Variants in WWOX observed in about 807,000 individuals in gnomAD.
The protein encoded by WWOX is WW domain-containing oxidoreductase.
Under a neutral mutation model 46.2 loss-of-function variants are expected in WWOX, and 69 were observed. The ratio of observed to expected loss-of-function variants is 1.49; its 90% CI spans 1.23 to 1.82. WWOX has a LOEUF of 1.82. Ranked by LOEUF, WWOX falls within the 40% of genes most tolerant of loss-of-function variation. The probability of loss-of-function intolerance (pLI) is 0.00; values close to 1 mark genes in which losing one functional copy is unlikely to be tolerated. For missense variants in WWOX, 919 were observed against 542.6 expected, an observed-to-expected ratio of 1.69 and a Z score of -6.89; for synonymous variants, 359 against 202.6, an observed-to-expected ratio of 1.77 and a Z score of -6.56.
At chr16:79,009,221 G>C (rs909619123) in intron 8 of WWOX, among the ~76,000 whole-genome samples, 1 of 152,232 alleles carries the variant, frequency 6.6e-6, no homozygotes, top group African/African-American at 2.4e-5. Flanking sequence ...GTGAATGCCA[G>C]TTCACTTGAG....
At chr16:78,662,804 G>C (rs115141056) in intron 8 of WWOX, among the ~76,000 whole-genome samples, 1 of 152,080 alleles carries the variant, frequency 6.6e-6, no homozygotes, top group African/African-American at 2.4e-5. Flanking sequence ...TGGTTCCTGG[G>C]CTCTGGGACT....
intron 8 of WWOX, among the ~76,000 whole-genome samples, chr16:78,918,609 G>A (rs1465469080): frequency 6.6e-6 from 1 of 152,116 alleles, no homozygotes; most frequent in African/African-American, 2.4e-5. Flanking sequence ...ATTCCTGGCA[G>A]GATTTGTATT....
At chr16:78,362,336 T>C (rs1296516062) in intron 5 of WWOX, among the ~76,000 whole-genome samples, 1 of 151,976 alleles carries the variant, frequency 6.6e-6, no homozygotes, top group African/African-American at 2.4e-5. Flanking sequence ...AGGACAGGCA[T>C]TACAGGCTTA....
At chr16:78,960,566 T>C (rs1046983078) in intron 8 of WWOX, among the ~76,000 whole-genome samples, 1 of 152,330 alleles carries the variant, frequency 6.6e-6, no homozygotes, top group South Asian at 2.1e-4. Context: ...CAGGTATTTA[T>C]TGAGTTATGA....
chr16:78,441,192 G>C (rs369646702), intron 8 of WWOX, among the ~76,000 whole-genome samples: 1 of 152,126 alleles, frequency 6.6e-6, no homozygotes, highest in Non-Finnish European at 1.5e-5. Context: ...AAAGTGCTGG[G>C]ATTACAGATG....
intron 8 of WWOX, among the ~76,000 whole-genome samples, chr16:79,052,980 G>T (rs1442601391): frequency 6.6e-6 from 1 of 151,284 alleles, no homozygotes; most frequent in East Asian, 2.0e-4. Context: ...GTTGGGATGG[G>T]GGGGTGGGTG....
At chr16:78,786,118 C>T (rs933411739) in intron 8 of WWOX, among the ~76,000 whole-genome samples, 13 of 152,270 alleles carry the variant, frequency 8.5e-5, no homozygotes, top group African/African-American at 2.2e-4. Context: ...CCGTGTTGGC[C>T]AGGCTGGTTT....
intron 8 of WWOX, chr16:78,873,155 A>G (rs372114262): frequency 1.4e-3 from 208 of 152,294 alleles, no homozygotes; most frequent in African/African-American, 4.8e-3. Context: ...TCTTGGTTCC[A>G]TGCGTATTCA....
chr16:78,416,859 T>A (rs1390624290), intron 6 of WWOX, among the ~76,000 whole-genome samples: 1 of 152,132 alleles, frequency 6.6e-6, no homozygotes, highest in African/African-American at 2.4e-5. Context: ...GGGAGGAGTA[T>A]ATTTAGTTTA....
chr16:78,765,565 G>C (rs549205575), intron 8 of WWOX, among the ~76,000 whole-genome samples: 1 of 152,208 alleles, frequency 6.6e-6, no homozygotes, highest in South Asian at 2.1e-4. Flanking sequence ...TGTAATCCTG[G>C]CTACTCGGGA....
intron 3 of WWOX, among the ~76,000 whole-genome samples, chr16:78,111,387 CAT>C (rs2032480955): frequency 1.3e-5 from 2 of 152,194 alleles, no homozygotes; most frequent in Non-Finnish European, 2.9e-5. Flanking sequence ...GCATTACTAA[CAT>C]AACCTAGGAA....
chr16:78,900,440 T>A (rs916860967), intron 8 of WWOX, among the ~76,000 whole-genome samples: 1 of 152,208 alleles, frequency 6.6e-6, no homozygotes, highest in African/African-American at 2.4e-5. Flanking sequence ...AAAATGAGAC[T>A]TTCTGTTAGG....
intron 8 of WWOX, among the ~76,000 whole-genome samples, chr16:78,437,715 C>T (rs564552695): frequency 6.6e-6 from 1 of 152,182 alleles, no homozygotes; most frequent in Non-Finnish European, 1.5e-5. Flanking sequence ...AAGTGTCGTT[C>T]TAAAAAAGAT....
chr16:78,135,373 G>C (rs1455017560), intron 4 of WWOX, among the ~76,000 whole-genome samples: 1 of 152,166 alleles, frequency 6.6e-6, no homozygotes, highest in Non-Finnish European at 1.5e-5. Context: ...ATGTCTAATA[G>C]AGTCTGAGTT....
At chr16:78,955,409 G>A (rs1230479265) in intron 8 of WWOX, among the ~76,000 whole-genome samples, 1 of 152,120 alleles carries the variant, frequency 6.6e-6, no homozygotes. Context: ...TGAGAGGTGT[G>A]AGTTATTCAG....
chr16:78,418,297 G>A (rs907560324), intron 6 of WWOX, among the ~76,000 whole-genome samples: 1 of 151,936 alleles, frequency 6.6e-6, no homozygotes, highest in South Asian at 2.1e-4. Flanking sequence ...CCGGGAGGTG[G>A]AGCTTGCAGT....
intron 8 of WWOX, among the ~76,000 whole-genome samples, chr16:78,564,825 T>C (rs1371407619): frequency 1.3e-5 from 2 of 152,152 alleles, no homozygotes; most frequent in Non-Finnish European, 1.5e-5. Flanking sequence ...TTACGGATCA[T>C]CAGTTTTATT....
intron 5 of WWOX, among the ~76,000 whole-genome samples, chr16:78,213,018 G>A: frequency 6.6e-6 from 1 of 152,106 alleles, no homozygotes. Flanking sequence ...CAGCAACTTG[G>A]GAGGTGGGCG....
chr16:78,551,563 C>G (rs1371453892), intron 8 of WWOX: 1 of 152,198 alleles, frequency 6.6e-6, no homozygotes, highest in Non-Finnish European at 1.5e-5. Context: ...CTAAAGGATT[C>G]TGTCTGGTAG....
Sources: allele counts gnomAD v4.1 joint callset (sites outside exome capture counted in the v4.1 genomes callset), GRCh38; gene constraint gnomAD v4.1.1; transcripts MANE v1.5; gene names NCBI Gene and HGNC (gene_info 2026-07-23, HGNC 2026-07-21).